Variants in CCDC144A observed in about 807,000 individuals in gnomAD.
CCDC144A encodes the protein coiled-coil domain containing 144A.
Under a neutral mutation model 143.8 loss-of-function variants are expected in CCDC144A, and 41 were observed. That is an observed-to-expected ratio of 0.29 (90% CI 0.22 to 0.37). The LOEUF (loss-of-function observed/expected upper bound fraction) is 0.37, where lower values mean the gene tolerates loss of function less well. Ranked by LOEUF, CCDC144A falls within the 10% of genes least tolerant of loss-of-function variation. The pLI is 1.00. For synonymous variants in CCDC144A, 242 were observed against 517.9 expected (o/e 0.47, Z 7.23); for missense variants, 637 against 1,488.8 (o/e 0.43, Z 9.41).
chr17:16,767,633 A>T (rs2143398890), intron 15 of CCDC144A, among the ~76,000 whole-genome samples: 1 of 152,358 alleles, frequency 6.6e-6, no homozygotes, highest in South Asian at 2.1e-4. Context: ...CTAATATTGG[A>T]TCTGTTTATA....
intron 9 of CCDC144A, among the ~76,000 whole-genome samples, chr17:16,729,194 A>G (rs1000425614): frequency 6.6e-6 from 1 of 152,208 alleles, no homozygotes; most frequent in East Asian, 1.9e-4. Flanking sequence ...GTACTAATTT[A>G]CATTTCCACC....
intron 2 of CCDC144A, among the ~76,000 whole-genome samples, chr17:16,700,148 A>G (rs1367268809): frequency 6.6e-6 from 1 of 152,194 alleles, no homozygotes; most frequent in Non-Finnish European, 1.5e-5. Flanking sequence ...CAGCAAAAAG[A>G]CACAAAGCAA....
chr17:16,766,123 A>C (rs1915584414), intron 15 of CCDC144A: 1 of 152,406 alleles, frequency 6.6e-6, no homozygotes. Context: ...TCACTCTGGA[A>C]AGGCGGGACA....
upstream of CCDC144A, among the ~76,000 whole-genome samples, chr17:16,686,716 C>T (rs1029982507): frequency 6.6e-6 from 1 of 150,958 alleles, no homozygotes; most frequent in African/African-American, 2.4e-5. Flanking sequence ...AATCTTGGCT[C>T]ACTGCAACCT....
the CCDC144A span, among the ~76,000 whole-genome samples, chr17:16,674,350 G>A: frequency 5.3e-5 from 8 of 152,106 alleles, no homozygotes; most frequent in Non-Finnish European, 1.0e-4. Context: ...AAAAGTTGAG[G>A]CTGCAGAAGG....
chr17:16,736,486 C>G (rs1914012564), intron 12 of CCDC144A, among the ~76,000 whole-genome samples: 1 of 150,802 alleles, frequency 6.6e-6, no homozygotes, highest in African/African-American at 2.5e-5. Flanking sequence ...TACATTTAAT[C>G]TTACCACTGG....
At chr17:16,681,100 T>C in the CCDC144A span, among the ~76,000 whole-genome samples, 2 of 152,018 alleles carry the variant, frequency 1.3e-5, no homozygotes, top group African/African-American at 4.8e-5. Flanking sequence ...GATGAATAAC[T>C]TGAAAAAGTA....
intron 6 of CCDC144A, among the ~76,000 whole-genome samples, chr17:16,715,330 G>C (rs1420419259): frequency 6.6e-6 from 1 of 150,502 alleles, no homozygotes; most frequent in African/African-American, 2.4e-5. Flanking sequence ...AAAAAAGAAA[G>C]AAAGAAAAAG....
In CCDC144A at chr17:16,777,330, A is replaced by G. The variant is rs1487384415; in HGVS notation, c.*3697A>G. 2 of 152,094 alleles carry G rather than the reference A, an allele frequency of 1.3e-5. No homozygotes were observed. Among genetic ancestry groups the G allele is most frequent in the Middle Eastern group, 3.2e-3 (1 of 316 alleles). 9.4% of individuals were successfully genotyped at this position (152,094 alleles called of 1,614,324 possible). ...AAGACAGAAAGTCAACAAAGAAACA[A>G]TGGACTTAAACTATACCCTGGAACA... is the stretch of plus-strand genomic sequence containing the variant. On this transcript the variant is annotated 3_prime_UTR_variant, in exon 17 of 17. Coordinates refer to ENST00000399273, the MANE Select transcript of CCDC144A (RefSeq NM_001382000.1).
chr17:16,676,353 A>C, the CCDC144A span, among the ~76,000 whole-genome samples: 4 of 151,824 alleles, frequency 2.6e-5, no homozygotes, highest in Non-Finnish European at 5.9e-5. Context: ...CTCTACTAAA[A>C]TACAAAAATT....
the CCDC144A span, chr17:16,684,070 G>A: frequency 1.1e-6 from 1 of 907,346 alleles, no homozygotes; most frequent in Admixed American, 1.7e-5. Context: ...TCAATAAACT[G>A]GTTCTGTATA....
upstream of CCDC144A, among the ~76,000 whole-genome samples, chr17:16,689,228 C>T (rs1429070634): frequency 1.3e-5 from 2 of 151,930 alleles, no homozygotes; most frequent in Non-Finnish European, 2.9e-5. Flanking sequence ...CGGAGTCTTG[C>T]TCTGTCGCCC....
At chr17:16,704,059 A>G (rs1202715576) in intron 2 of CCDC144A, among the ~76,000 whole-genome samples, 3 of 152,196 alleles carry the variant, frequency 2.0e-5, no homozygotes, top group Non-Finnish European at 2.9e-5. Flanking sequence ...AACATTTTAA[A>G]CCACATATGT....
chr17:16,675,867 C>T, the CCDC144A span, among the ~76,000 whole-genome samples: 1 of 152,040 alleles, frequency 6.6e-6, no homozygotes, highest in East Asian at 1.9e-4. Context: ...CTCAGCCTCC[C>T]AAGTAGCTGG....
rs1915983723 is a variant in CCDC144A at position 16,775,830 on chromosome 17, A to G, written c.*2197A>G. On this transcript the variant is annotated 3_prime_UTR_variant, in exon 17 of 17. Transcript: ENST00000399273. ...CTAGGTTTTCTTCCAGGATTTTTAT[A>G]GTTTTGGGTTGTAGATTTAAGTCTT... is the stretch of plus-strand genomic sequence containing the variant. 6.6e-6 allele frequency: 1 copy of G among 152,136 alleles called. No individual in the cohort carries two copies. The highest frequency in any genetic ancestry group is 2.1e-4 in the South Asian group (1 of 4,834). 9.4% of individuals were successfully genotyped at this position (152,136 alleles called of 1,614,324 possible).
At chr17:16,766,909 T>G (rs1490036434) in intron 15 of CCDC144A, 1 of 152,170 alleles carries the variant, frequency 6.6e-6, no homozygotes, top group Non-Finnish European at 1.5e-5. Context: ...AATGTTAATG[T>G]AGTAGTTCCA....
At chr17:16,733,981 T>C (rs1296635502) in intron 11 of CCDC144A, among the ~76,000 whole-genome samples, 1 of 151,988 alleles carries the variant, frequency 6.6e-6, no homozygotes, top group Non-Finnish European at 1.5e-5. Flanking sequence ...CTACAAAAAG[T>C]ACAAATACAT....
the CCDC144A span, among the ~76,000 whole-genome samples, chr17:16,677,393 T>C: frequency 2.0e-5 from 3 of 152,264 alleles, no homozygotes; most frequent in Middle Eastern, 6.8e-3. Context: ...TAGAAGGTTA[T>C]AGATTTCCTG....
At chr17:16,755,829 A>G (rs950712323) in intron 12 of CCDC144A, among the ~76,000 whole-genome samples, 1 of 152,222 alleles carries the variant, frequency 6.6e-6, no homozygotes, top group Non-Finnish European at 1.5e-5. Flanking sequence ...TCAAAGTGCT[A>G]GGATTACAGG....
Sources: allele counts gnomAD v4.1 joint callset (sites outside exome capture counted in the v4.1 genomes callset), GRCh38; gene constraint gnomAD v4.1.1; transcripts MANE v1.5; gene names NCBI Gene and HGNC (gene_info 2026-07-23, HGNC 2026-07-21).